Variants in CELF2 observed in about 807,000 individuals in gnomAD.
CELF2 encodes the protein CUG triplet repeat RNA-binding protein 2.
Under a neutral mutation model 62.6 loss-of-function variants are expected in CELF2, and 8 were observed. That is an observed-to-expected ratio of 0.13 (90% CI 0.07 to 0.23). The LOEUF is 0.23. CELF2 is among the 10% of genes least tolerant of loss of function. The pLI, the probability that CELF2 is intolerant of heterozygous loss-of-function variation, is 1.00. For missense variants in CELF2, 333 were observed against 671.0 expected, an observed-to-expected ratio of 0.50 and a Z score of 5.56; for synonymous variants, 258 against 250.0, an observed-to-expected ratio of 1.03 and a Z score of -0.30.
chr10:10,917,633 G>T (rs1362147604), intron 1 of CELF2, among the ~76,000 whole-genome samples: 1 of 152,182 alleles, frequency 6.6e-6, no homozygotes, highest in Non-Finnish European at 1.5e-5. Flanking sequence ...GAGCCGCTGT[G>T]CTTGGCCTTA....
At chr10:10,951,972 TG>T (rs2048369103) in intron 2 of CELF2, 1 of 152,364 alleles carries the variant, frequency 6.6e-6, no homozygotes, top group African/African-American at 2.4e-5. Flanking sequence ...GCTGAGCTGC[TG>T]GGATTGGCCG....
intron 1 of CELF2, among the ~76,000 whole-genome samples, chr10:11,033,434 T>C (rs1466466113): frequency 6.6e-6 from 1 of 152,104 alleles, no homozygotes; most frequent in Non-Finnish European, 1.5e-5. Context: ...ATTTTGTATT[T>C]TTAGTAGAGT....
intron 2 of CELF2, among the ~76,000 whole-genome samples, chr10:10,960,938 A>G (rs141119306): frequency 2.0e-5 from 3 of 152,344 alleles, no homozygotes; most frequent in African/African-American, 7.2e-5. Context: ...TAAATTTCTC[A>G]AAGTCCAGCA....
chr10:10,720,168 T>TA, the CELF2 span, among the ~76,000 whole-genome samples: 2 of 152,200 alleles, frequency 1.3e-5, no homozygotes, highest in Admixed American at 1.3e-4. Flanking sequence ...GTGCAGGACT[T>TA]ACGGCAGGCA....
intron 1 of CELF2, among the ~76,000 whole-genome samples, chr10:11,019,071 AG>A (rs2057859092): frequency 6.6e-6 from 1 of 152,208 alleles, no homozygotes; most frequent in African/African-American, 2.4e-5. Flanking sequence ...GGAAAGAAGT[AG>A]AGAGCTGGGA....
Position 11,247,310 on chromosome 10 carries a change from A to T in CELF2, c.355-1843A>T, listed in dbSNP as rs968628135. 2.6e-5 allele frequency among the ~76,000 whole-genome samples: 4 copies of T among 152,154 alleles called. No homozygotes were observed. Among genetic ancestry groups the T allele is most frequent in the African/African-American group, 9.7e-5 (4 of 41,430 alleles). ...CCTTCCCGTGGTCCTCCATGCTCAC[A>T]CTGGGAGCTCCCTGTGAGAGGGAAC... On this transcript the variant is annotated intron_variant, in intron 3 of 12. Transcript: ENST00000633077. The surrounding 1 kb of genome is among the most constrained non-coding windows in gnomAD (Gnocchi z 5.4).
intron 2 of CELF2, among the ~76,000 whole-genome samples, chr10:10,994,785 G>A (rs2053786707): frequency 8.2e-6 from 1 of 122,174 alleles, no homozygotes; most frequent in African/African-American, 3.1e-5. Context: ...TGATGTATAA[G>A]ATTCATAGTT....
intron 8 of CELF2, among the ~76,000 whole-genome samples, chr10:11,286,202 A>G (rs1336864184): frequency 1.3e-5 from 2 of 152,204 alleles, no homozygotes; most frequent in African/African-American, 2.4e-5. Context: ...GAGCCAGGCC[A>G]TCAACACAGC....
chr10:10,709,680 T>C, the CELF2 span, among the ~76,000 whole-genome samples: 1 of 152,198 alleles, frequency 6.6e-6, no homozygotes, highest in Non-Finnish European at 1.5e-5. Context: ...TTATTTCTGA[T>C]CACTGTTTAA....
At position 11,316,698 on chromosome 10, in the gene CELF2, G is replaced by A. The variant is rs1042150021; in HGVS notation, c.1096+2440G>A. ...TGAATAGAGCCAACTCTTACCCACC[G>A]ACACAGCGGTCAGCAAGAAAGCAGG... On this transcript the variant is annotated intron_variant, in intron 10 of 12. Transcript: ENST00000633077. This position sits in a 1 kb window ranked among gnomAD's most constrained non-coding sequence, Gnocchi z 4.4. The A allele has an allele frequency of 5.3e-5, 8 of 152,148 alleles. No individual in the cohort carries two copies. Among genetic ancestry groups the A allele is most frequent in the African/African-American group, 1.7e-4 (7 of 41,496 alleles). 9.4% of individuals were successfully genotyped at this position (152,148 alleles called of 1,614,324 possible). A position where few individuals can be genotyped will look rare whatever the true frequency, so the allele number is the denominator to read the frequency against.
In CELF2 at chr10:11,333,537, T is replaced by TAATTAAAAAAAA. The variant is rs2096067556; in HGVS notation, c.*4488_*4499dup. On this transcript the variant is annotated 3_prime_UTR_variant, in exon 13 of 13. Transcript: ENST00000633077. ...TGTTTGTTTTTATTATCTTAAGTGC[T>TAATTAAAAAAAA]AATTAAAAAAAAAATAAAATTTTAA... 6.6e-6 allele frequency: 1 copy of TAATTAAAAAAAA among 152,122 alleles called. No homozygotes were observed. Among genetic ancestry groups the TAATTAAAAAAAA allele is most frequent in the Admixed American group, 6.6e-5 (1 of 15,262 alleles). The allele number at this position is 152,122 out of a possible 1,614,324, so 9.4% of individuals were successfully genotyped here. A position where few individuals can be genotyped will look rare whatever the true frequency, so the allele number is the denominator to read the frequency against.
At position 10,800,425 on chromosome 10, in the gene CELF2, C is replaced by T. The variant is rs540304786; in HGVS notation, c.53+1608C>T. On this transcript the variant is annotated intron_variant, in intron 1 of 13. Coordinates refer to the CELF2 transcript ENST00000636488. ...GGAGTGCAGTGGCATGATCTCTGCT[C>T]ACTGCAACCTCCACCTCCCGGGTTC... is the stretch of plus-strand genomic sequence containing the variant. Among the ~76,000 whole-genome samples the T allele has an allele frequency of 6.4e-4, 97 of 152,216 alleles. No individual in the cohort carries two copies. In the South Asian group the frequency reaches 0.018, roughly 28 times the overall value.
At chr10:11,107,648 A>G (rs1440076244) in intron 1 of CELF2, among the ~76,000 whole-genome samples, 1 of 151,928 alleles carries the variant, frequency 6.6e-6, no homozygotes, top group Non-Finnish European at 1.5e-5. Context: ...TTTTACTCTA[A>G]TGTTTGGCTT....
intron 1 of CELF2, among the ~76,000 whole-genome samples, chr10:10,801,724 A>G (rs1294510670): frequency 6.6e-6 from 1 of 152,226 alleles, no homozygotes; most frequent in East Asian, 1.9e-4. Flanking sequence ...AACCTGGAAG[A>G]TCCTCATGTG....
At chr10:11,192,573 C>A (rs974683855) in intron 2 of CELF2, among the ~76,000 whole-genome samples, 4 of 152,196 alleles carry the variant, frequency 2.6e-5, no homozygotes, top group African/African-American at 9.7e-5. Flanking sequence ...AACAGCTGTC[C>A]CCATGGCAGT....
chr10:11,307,061 C>T (rs562644491), intron 9 of CELF2, among the ~76,000 whole-genome samples: 2 of 152,212 alleles, frequency 1.3e-5, no homozygotes, highest in Non-Finnish European at 2.9e-5. Flanking sequence ...GGGAGTCAGC[C>T]ACATGAGAGC....
chr10:10,838,682 T>C (rs1235849540), intron 1 of CELF2, among the ~76,000 whole-genome samples: 1 of 152,228 alleles, frequency 6.6e-6, no homozygotes, highest in Non-Finnish European at 1.5e-5. Context: ...TCTTGTTCAG[T>C]TGTCTCCTAA....
At chr10:10,696,368 C>G in the CELF2 span, among the ~76,000 whole-genome samples, 1 of 151,726 alleles carries the variant, frequency 6.6e-6, no homozygotes, top group Non-Finnish European at 1.5e-5. Context: ...GTTCTCAGAT[C>G]TCCAGCTGCA....
chr10:10,521,509 T>C, the CELF2 span, among the ~76,000 whole-genome samples: 1 of 152,224 alleles, frequency 6.6e-6, no homozygotes, highest in South Asian at 2.1e-4. Context: ...CTCCATGTCA[T>C]GCACTAGGCT....
Sources: allele counts gnomAD v4.1 joint callset (sites outside exome capture counted in the v4.1 genomes callset), GRCh38; gene constraint gnomAD v4.1.1; non-coding constraint Gnocchi (gnomAD v3.1); transcripts MANE v1.5; gene names NCBI Gene and HGNC (gene_info 2026-07-23, HGNC 2026-07-21).